Variants in MCF2L observed in about 807,000 individuals in gnomAD.
MCF2L encodes MCF.2 cell line derived transforming sequence like.
MCF2L carries 97 observed loss-of-function variants against 153.4 expected under a neutral mutation model. The observed-to-expected ratio is 0.63, with a 90% CI of 0.54 to 0.75. The LOEUF (loss-of-function observed/expected upper bound fraction) is 0.75, where lower values mean the gene tolerates loss of function less well. MCF2L is among the 30% of genes least tolerant of loss of function. The pLI is 0.00. For missense variants in MCF2L, 1,347 were observed against 1,495.2 expected, an observed-to-expected ratio of 0.90 and a Z score of 1.64; for synonymous variants, 659 against 632.2, an observed-to-expected ratio of 1.04 and a Z score of -0.64.
At chr13:112,959,913 G>A (rs539367639) in intron 2 of MCF2L, among the ~76,000 whole-genome samples, 9 of 152,336 alleles carry the variant, frequency 5.9e-5, no homozygotes, top group East Asian at 1.9e-4. Flanking sequence ...CATGGGAGAT[G>A]CACAGTGGAC....
rs112169007 is a variant in MCF2L at position 112,935,544 on chromosome 13, A to G, written c.169+33173A>G. Among the ~76,000 whole-genome samples, 178 of 152,314 alleles carry G rather than the reference A, an allele frequency of 1.2e-3. 1 individual carries two copies. Among genetic ancestry groups the G allele is most frequent in the East Asian group, 5.8e-4 (3 of 5,178 alleles). On this transcript the variant is annotated intron_variant, in intron 2 of 29. Transcript: ENST00000375608. ...AATGCTGGGAATACAGGCGTGAGCC[A>G]CCACACCCGACCCCATACTTCATTT...
At chr13:113,095,198 C>T in intron 27 of MCF2L, 1 of 1,238,238 alleles carries the variant, frequency 8.1e-7, no homozygotes. Context: ...GTTAATCATT[C>T]CAGTGAGGGT....
exon 2 of MCF2L, chr13:112,902,215 T>C (rs776027444): frequency 6.2e-7 from 1 of 1,612,574 alleles, no homozygotes; most frequent in Non-Finnish European, 8.5e-7. Context: ...GTTTGACTGT[T>C]GGAGATTTAT....
chr13:112,909,059 C>G (rs932701726), intron 2 of MCF2L, among the ~76,000 whole-genome samples: 3 of 152,208 alleles, frequency 2.0e-5, no homozygotes, highest in Non-Finnish European at 4.4e-5. Flanking sequence ...CTCGGCTTTG[C>G]CGAGGGGATG....
At chr13:112,968,956 C>T (rs955681418), upstream of MCF2L, 1 of 461,890 alleles carries the variant, frequency 2.2e-6, no homozygotes, top group Admixed American at 4.4e-5. Flanking sequence ...ACTAGGTGAC[C>T]TAGTGACACA....
In MCF2L at chr13:112,969,532, TCTGA is replaced by T; in HGVS notation, c.79+75_79+78del. The T allele has an allele frequency of 6.5e-7, 1 of 1,540,598 alleles. No individual in the cohort carries two copies. The highest frequency in any genetic ancestry group is 8.8e-7 in the Non-Finnish European group (1 of 1,139,784). ...ATGGGCTGAAATGTGGGGAAATGCG[TCTGA>T]TTTTTGTAAGCCGCCCTCGTGTTCC... is the stretch of plus-strand genomic sequence containing the variant. On this transcript the variant is annotated intron_variant, in intron 1 of 29. Transcript: ENST00000535094. This position sits in a 1 kb window ranked among gnomAD's most constrained non-coding sequence, Gnocchi z 4.8.
At chr13:112,902,309 T>C (rs757503852) in exon 2 of MCF2L, 2 of 1,612,928 alleles carry the variant, frequency 1.2e-6, no homozygotes, top group East Asian at 2.2e-5. Flanking sequence ...GATCACCAAA[T>C]TGATGTGTCT....
intron 1 of MCF2L, among the ~76,000 whole-genome samples, chr13:112,981,991 G>T (rs902560407): frequency 6.6e-6 from 1 of 152,216 alleles, no homozygotes; most frequent in Non-Finnish European, 1.5e-5. Flanking sequence ...GCCCCGGTCA[G>T]GGCTGGGGGA....
intron 9 of MCF2L, among the ~76,000 whole-genome samples, chr13:113,073,307 T>A (rs1395320353): frequency 6.6e-6 from 1 of 152,248 alleles, no homozygotes. Context: ...AGGTGAAGTT[T>A]TATACATATC....
At position 112,941,068 on chromosome 13, in the gene MCF2L, C is replaced by T. The variant is rs1291915751; in HGVS notation, c.169+38697C>T. 6.6e-6 allele frequency among the ~76,000 whole-genome samples: 1 copy of T among 152,198 alleles called. No homozygotes were observed. Among genetic ancestry groups the T allele is most frequent in the Non-Finnish European group, 1.5e-5 (1 of 68,036 alleles). ...CCTAGCAGCCCCGCTGCATCTGGCA[C>T]CACCATAGGGAGCATATTTTTACCA... On this transcript the variant is annotated intron_variant, in intron 2 of 29. Transcript: ENST00000375608. The surrounding 1 kb of genome is among the most constrained non-coding windows in gnomAD (Gnocchi z 4.9).
chr13:112,999,250 AC>A (rs749195750), intron 1 of MCF2L, among the ~76,000 whole-genome samples: 32 of 152,056 alleles, frequency 2.1e-4, no homozygotes, highest in Non-Finnish European at 3.8e-4. Context: ...TCCACTGTGT[AC>A]CCTGAAGGAG....
rs1446426916 is a variant in MCF2L at position 113,084,007 on chromosome 13, C to T, written c.2001C>T (p.Leu667=). ...AACCTTCTTTGTCTAGGATATTCCT[C>T]AGGGAGCTGGAAAACTACACTGACT... is the stretch of plus-strand genomic sequence containing the variant. ...EIYHFHNRIF[L]RELENYTDCP... Residue 667 remains leucine, a synonymous_variant, in exon 18 of 30, where the codon CTC becomes CTT. Transcript: ENST00000535094. The T allele has an allele frequency of 1.2e-6, 2 of 1,613,606 alleles. No homozygotes were observed. The highest frequency in any genetic ancestry group is 1.7e-5 in the Admixed American group (1 of 60,018).
chr13:112,939,518 C>T (rs1468856116), intron 2 of MCF2L, among the ~76,000 whole-genome samples: 1 of 152,218 alleles, frequency 6.6e-6, no homozygotes, highest in African/African-American at 2.4e-5. Context: ...CACAAACATA[C>T]TCTCCAGGGA....
At chr13:113,004,831 C>T (rs1566720143) in intron 1 of MCF2L, among the ~76,000 whole-genome samples, 1 of 152,232 alleles carries the variant, frequency 6.6e-6, no homozygotes, top group Admixed American at 6.5e-5. Context: ...CGTTGGTGCC[C>T]ATTTCTCTCT....
intron 1 of MCF2L, among the ~76,000 whole-genome samples, chr13:112,899,208 TG>T (rs2081097334): frequency 6.6e-6 from 1 of 152,186 alleles, no homozygotes; most frequent in South Asian, 2.1e-4. Flanking sequence ...TGTCTGCATC[TG>T]TAGACAGATT....
In MCF2L at chr13:112,904,059, G is replaced by A. The variant is rs117550413; in HGVS notation, c.169+1688G>A. Among the ~76,000 whole-genome samples, 9,364 of 152,176 alleles carry A rather than the reference G, an allele frequency of 0.062. 396 individuals are homozygous for A. The highest frequency in any genetic ancestry group is 0.099 in the Middle Eastern group (29 of 294). On this transcript the variant is annotated intron_variant, in intron 2 of 29. Transcript: ENST00000375608. The surrounding 1 kb of genome is among the most constrained non-coding windows in gnomAD (Gnocchi z 4.2). Reference sequence around the variant, plus strand: ...ACTGCCCGTGGCCACTCAGAACCTCGGACTGGTGCCTTTCCCTGAGCGCCC... The same window carrying A: ...ACTGCCCGTGGCCACTCAGAACCTCAGACTGGTGCCTTTCCCTGAGCGCCC...
At chr13:113,062,062 C>T (rs572683563) in intron 5 of MCF2L, among the ~76,000 whole-genome samples, 1 of 150,580 alleles carries the variant, frequency 6.6e-6, no homozygotes, top group African/African-American at 2.5e-5. Context: ...TCTGTGCCAT[C>T]GTGCTTTGGT....
chr13:112,904,803 G>A lies in MCF2L; in HGVS notation c.169+2432G>A, dbSNP rs780332370. ...GCCCTGCCTGCACCACACCTGCTCC[G>A]TCTCCAGGTGACCTGGGGCCTTGGC... On this transcript the variant is annotated intron_variant, in intron 2 of 29. Coordinates refer to the MCF2L transcript ENST00000375608. The surrounding 1 kb of genome is among the most constrained non-coding windows in gnomAD (Gnocchi z 4.2). Among the ~76,000 whole-genome samples, 5 of 152,254 alleles carry A rather than the reference G, an allele frequency of 3.3e-5. No individual in the cohort carries two copies. Among genetic ancestry groups the A allele is most frequent in the South Asian group, 2.1e-4 (1 of 4,832 alleles).
intron 12 of MCF2L, 30 bp downstream of exon 12, chr13:113,076,187 G>T: frequency 1.9e-6 from 3 of 1,583,764 alleles, no homozygotes; most frequent in Non-Finnish European, 2.6e-6. Flanking sequence ...TCCATTTGCA[G>T]CTTGCTGTCC....
Sources: gnomAD v4.1 joint callset for allele counts (sites outside exome capture counted in the v4.1 genomes callset) on GRCh38, gnomAD v4.1.1 for gene constraint, Gnocchi (gnomAD v3.1) non-coding constraint, MANE v1.5 for transcripts, NCBI Gene and HGNC (gene_info 2026-07-23, HGNC 2026-07-21) for gene names.